Variants in MIIP observed in about 807,000 individuals in gnomAD.
MIIP encodes migration and invasion-inhibitory protein.
Under a neutral mutation model 44.8 loss-of-function variants are expected in MIIP, and 44 were observed. The ratio of observed to expected loss-of-function variants is 0.98; its 90% CI spans 0.77 to 1.26. The LOEUF (loss-of-function observed/expected upper bound fraction) is 1.26. MIIP is among the 50% of genes most tolerant of loss of function. MIIP has a pLI of 0.00. For missense variants in MIIP, 496 were observed against 511.7 expected (o/e 0.97, Z 0.30); for synonymous variants, 225 against 218.3 (o/e 1.03, Z -0.27).
In MIIP at chr1:12,022,142, C is replaced by T. The variant is rs1298952092; in HGVS notation, c.162C>T (p.Thr54=). The T allele has an allele frequency of 3.7e-6, 6 of 1,613,952 alleles. No homozygotes were observed. The Admixed American group carries it at 1.0e-4, about 27-fold the overall frequency. ...GCTACAACTCAGAGACTCCATCGAC[C>T]CCAGAGACGTCCTCAACTTCCTTGA... ...SSSYNSETPS[T]PETSSTSLST... Residue 54 remains threonine (T), a synonymous_variant, in exon 3 of 10, where the codon ACC becomes ACT. Coordinates refer to ENST00000235332, the MANE Select transcript of MIIP (RefSeq NM_021933.4).
Position 12,022,032 on chromosome 1 carries a change from G to A in MIIP, c.115-63G>A, listed in dbSNP as rs1049286783. 3.2e-6 allele frequency: 5 copies of A among 1,543,486 alleles called. No homozygotes were observed. In the African/African-American group the frequency reaches 6.8e-5, roughly 21 times the overall value. On this transcript the variant is annotated intron_variant, in intron 2 of 9. Transcript: ENST00000235332. ...GATGAGGATGCTTGCCTTGGTGCCTGGCGTAGGCCCGGTGGGTAGGTTCTG... is the reference window on the plus strand; with the variant it reads ...GATGAGGATGCTTGCCTTGGTGCCTAGCGTAGGCCCGGTGGGTAGGTTCTG...
rs1639923819 is a variant in MIIP at position 12,019,567 on chromosome 1, G to C, written c.-83+15G>C. On this transcript the variant is annotated intron_variant, in intron 1 of 9. Transcript: ENST00000235332. ...GATTCTGCCGGGTGAGTGCTGGGCG[G>C]CAGGACTGGGGTGGGGCGGAAGGGC... is the stretch of plus-strand genomic sequence containing the variant. 6.5e-6 allele frequency: 1 copy of C among 152,682 alleles called. No individual in the cohort carries two copies. The highest frequency in any genetic ancestry group is 2.4e-5 in the African/African-American group (1 of 41,486). The allele number at this position is 152,682 out of a possible 1,614,324, so 9.5% of individuals were successfully genotyped here. A position where few individuals can be genotyped will look rare whatever the true frequency, so the allele number is the denominator to read the frequency against.
rs781511358 is a variant in MIIP, at chr1:12,022,443, G to C, written c.462+1G>C. ...GGCTCAACAGAGCAAGCTGTCCAAGGTAACGTGGGAGAGCGGGACATCTGC... is the reference window on the plus strand; with the variant it reads ...GGCTCAACAGAGCAAGCTGTCCAAGCTAACGTGGGAGAGCGGGACATCTGC... On this transcript the variant is annotated splice_donor_variant, in intron 3 of 9. Transcript: ENST00000235332. LOFTEE classifies it high-confidence loss of function. The C allele has an allele frequency of 6.1e-5, 94 of 1,538,370 alleles. No individual in the cohort carries two copies. The highest frequency in any genetic ancestry group is 1.7e-4 in the Middle Eastern group (1 of 5,754).
rs1174024221 is a variant in MIIP at position 12,022,294 on chromosome 1, C to T, written c.314C>T (p.Ser105Phe). 1.9e-6 allele frequency: 3 copies of T among 1,613,726 alleles called. No individual in the cohort carries two copies. The African/African-American group carries it at 4.0e-5, about 22-fold the overall frequency. ...CCTGCCAAATGCCAGCACCAGGAGT[C>T]CCTGGGCCGACCGAGACCCCACTCA... Reference protein sequence around the residue: ...LPPAKCQHQESLGRPRPHSAP... With the variant: ...LPPAKCQHQEFLGRPRPHSAP... The change falls in exon 3 of 10, where the codon TCC (serine) becomes TTC (phenylalanine). Residue 105 changes from serine (S) to phenylalanine (F), a missense_variant. Coordinates refer to ENST00000235332, the MANE Select transcript of MIIP (RefSeq NM_021933.4).
Position 12,030,105 on chromosome 1 carries a change from A to C in MIIP, c.923A>C (p.Asp308Ala), listed in dbSNP as rs1379637879. ...IHRRKSFDAS[D>A]TLALPRHCLL... Reference sequence around the variant, plus strand: ...CGGCGAAAGAGCTTTGACGCCTCTGACACACTGGCCCTGCCCCGGGTGAGC... The same window carrying C: ...CGGCGAAAGAGCTTTGACGCCTCTGCCACACTGGCCCTGCCCCGGGTGAGC... Residue 308 changes from aspartate to alanine, a missense_variant, in exon 8 of 10, where the codon GAC becomes GCC. Transcript: ENST00000235332. 1 of 1,612,802 alleles carries C rather than the reference A, an allele frequency of 6.2e-7. No homozygotes were observed. Among genetic ancestry groups the C allele is most frequent in the Non-Finnish European group, 8.5e-7 (1 of 1,179,932 alleles).
intron 4 of MIIP, among the ~76,000 whole-genome samples, chr1:12,024,521 C>G (rs1289660539): frequency 6.6e-6 from 1 of 152,218 alleles, no homozygotes; most frequent in Non-Finnish European, 1.5e-5. Context: ...TCAAGCGATT[C>G]ACCTGCCTCA....
At position 12,031,345 on chromosome 1, in the gene MIIP, C is replaced by G. The variant is rs1412609390; in HGVS notation, c.1022C>G (p.Ser341Cys). 1.9e-6 allele frequency: 3 copies of G among 1,613,848 alleles called. No individual in the cohort carries two copies. The highest frequency in any genetic ancestry group is 1.7e-5 in the Admixed American group (1 of 59,986). The change falls in exon 9 of 10, where the codon TCT (serine) becomes TGT (cysteine). Residue 341 changes from serine to cysteine, a missense_variant. By Grantham distance (112) the Ser-to-Cys change is moderately radical. Coordinates refer to ENST00000235332, the MANE Select transcript of MIIP (RefSeq NM_021933.4). ...CCCAGGAACCTGGACCTCTGGTCCTCTGTCTCCGCTGAGGCCCAGCACCAG... is the reference window on the plus strand; with the variant it reads ...CCCAGGAACCTGGACCTCTGGTCCTGTGTCTCCGCTGAGGCCCAGCACCAG... ...SAPRNLDLWS[S>C]VSAEAQHQKL...
Position 12,021,645 on chromosome 1 carries a change from G to A in MIIP, c.-82G>A. ...CCGTGTCCTGCTGTCTTGACTTCAG[G>A]TAGAAGAGCTGGGCCTGGAACCCAG... is the stretch of plus-strand genomic sequence containing the variant. On this transcript the variant is annotated splice_region_variant and 5_prime_UTR_variant, in exon 2 of 10. Transcript: ENST00000235332. The A allele has an allele frequency of 7.9e-7, 1 of 1,262,140 alleles. No homozygotes were observed. Among genetic ancestry groups the A allele is most frequent in the South Asian group, 1.3e-5 (1 of 79,486 alleles). 78.2% of individuals were successfully genotyped at this position (1,262,140 alleles called of 1,614,324 possible). A position where few individuals can be genotyped will look rare whatever the true frequency, so the allele number is the denominator to read the frequency against.
rs753597372 is a variant in MIIP, at chr1:12,029,716, C to T, written c.716-49C>T. Reference sequence around the variant, plus strand: ...CTGAGGGCAGCACGGAGCCTGGGGACCTGGGTTCCTGGCTCAGGGAGAGCT... The same window carrying T: ...CTGAGGGCAGCACGGAGCCTGGGGATCTGGGTTCCTGGCTCAGGGAGAGCT... On this transcript the variant is annotated intron_variant, in intron 6 of 9. Transcript: ENST00000235332. The T allele has an allele frequency of 3.8e-6, 6 of 1,586,850 alleles. No homozygotes were observed. The African/African-American group carries it at 8.1e-5, about 21-fold the overall frequency.
At chr1:12,021,580 G>A (rs34475503) in intron 1 of MIIP, 65 bp from the exon 2 acceptor site, 52,905 of 661,852 alleles carry the variant, frequency 0.08, 2,397 homozygotes, top group Middle Eastern at 0.098. Context: ...AAAGAGTGTC[G>A]AATGGGGGTC....
chr1:12,022,011 A>G lies in MIIP; in HGVS notation c.115-84A>G. ...TCACTGCTGAGGCCGGAGCAGGATG[A>G]GGATGCTTGCCTTGGTGCCTGGCGT... On this transcript the variant is annotated intron_variant, in intron 2 of 9. Coordinates refer to ENST00000235332, the MANE Select transcript of MIIP (RefSeq NM_021933.4). 3 of 1,456,632 alleles carry G rather than the reference A, an allele frequency of 2.1e-6. No individual in the cohort carries two copies. The South Asian group carries it at 3.8e-5, about 18-fold the overall frequency. 90.2% of individuals were successfully genotyped at this position (1,456,632 alleles called of 1,614,324 possible). A position where few individuals can be genotyped will look rare whatever the true frequency, so the allele number is the denominator to read the frequency against.
In MIIP at chr1:12,031,354, C is replaced by G; in HGVS notation, c.1031C>G (p.Ala344Gly). 6.2e-7 allele frequency: 1 copy of G among 1,613,962 alleles called. No homozygotes were observed. The highest frequency in any genetic ancestry group is 8.5e-7 in the Non-Finnish European group (1 of 1,179,934). The stretch of plus-strand genomic sequence containing the variant: ...CTGGACCTCTGGTCCTCTGTCTCCG[C>G]TGAGGCCCAGCACCAGAAGCTGTCC... ...RNLDLWSSVSAEAQHQKLSGT... is the reference protein window; with the variant it reads ...RNLDLWSSVSGEAQHQKLSGT... Residue 344 changes from alanine to glycine, a missense_variant, in exon 9 of 10, where the codon GCT becomes GGT. Ala to Gly is a moderately conservative substitution (Grantham distance 60, BLOSUM62 0). Transcript: ENST00000235332.
Position 12,021,738 on chromosome 1 carries a change from T to A in MIIP, c.12T>A (p.Ala4=). ...GAGAGAGGCCCAGGATGGTGGAGGC[T>A]GAGGAACTGGCACAGCTGCGGCTGC... is the stretch of plus-strand genomic sequence containing the variant. MVE[A]EELAQLRLLN... Residue 4 remains alanine (A), a synonymous_variant, in exon 2 of 10, where the codon GCT becomes GCA. Transcript: ENST00000235332. 2 of 1,612,494 alleles carry A rather than the reference T, an allele frequency of 1.2e-6. No individual in the cohort carries two copies. The highest frequency in any genetic ancestry group is 1.7e-6 in the Non-Finnish European group (2 of 1,179,758).
chr1:12,027,586 C>T (rs891703424), intron 4 of MIIP, among the ~76,000 whole-genome samples: 3 of 152,146 alleles, frequency 2.0e-5, no homozygotes, highest in Admixed American at 1.3e-4. Context: ...ACCCCTAGGC[C>T]TGGGACTCGG....
At chr1:12,031,486 C>G in intron 9 of MIIP, 83 bp downstream of exon 9, 1 of 1,567,432 alleles carries the variant, frequency 6.4e-7, no homozygotes, top group Admixed American at 1.8e-5. Context: ...TGCAGAGCCT[C>G]CTGGGGGGTA....
chr1:12,030,461 C>T (rs1335860856), intron 8 of MIIP, among the ~76,000 whole-genome samples: 4 of 152,032 alleles, frequency 2.6e-5, no homozygotes, highest in Admixed American at 1.3e-4. Flanking sequence ...CACTGCTGTA[C>T]CCCCACCCTG....
chr1:12,027,095 G>A (rs1300207436), intron 4 of MIIP, among the ~76,000 whole-genome samples: 4 of 142,552 alleles, frequency 2.8e-5, no homozygotes, highest in Non-Finnish European at 6.0e-5. Context: ...TGCAACCTCC[G>A]CCTCCCAGGT....
chr1:12,031,987 G>A lies in MIIP; in HGVS notation c.*179G>A, dbSNP rs186593876. On this transcript the variant is annotated 3_prime_UTR_variant, in exon 10 of 10. Coordinates refer to ENST00000235332, the MANE Select transcript of MIIP (RefSeq NM_021933.4). ...AGTTCCAGAGAGGGAGGACCCTGGGGTGGAGGGTGAGGGATTCTGTGGAAG... is the reference window on the plus strand; with the variant it reads ...AGTTCCAGAGAGGGAGGACCCTGGGATGGAGGGTGAGGGATTCTGTGGAAG... 117 of 626,804 alleles carry A rather than the reference G, an allele frequency of 1.9e-4. No individual in the cohort carries two copies. In the East Asian group the frequency reaches 3.2e-3, roughly 17 times the overall value. The allele number at this position is 626,804 out of a possible 1,614,324, so 38.8% of individuals were successfully genotyped here. A position where few individuals can be genotyped will look rare whatever the true frequency, so the allele number is the denominator to read the frequency against.
At chr1:12,029,331 C>T in intron 6 of MIIP, 50 bp downstream of exon 6, 1 of 1,549,420 alleles carries the variant, frequency 6.5e-7, no homozygotes, top group Non-Finnish European at 8.8e-7. Flanking sequence ...CCTCGCGCTG[C>T]CCTGGCCTCC....
Sources: allele counts gnomAD v4.1 joint callset (sites outside exome capture counted in the v4.1 genomes callset), GRCh38; gene constraint gnomAD v4.1.1; transcripts MANE v1.5; gene names NCBI Gene and HGNC (gene_info 2026-07-23, HGNC 2026-07-21).